CYP27A1: variants seen among roughly 807,000 people sequenced by gnomAD.
CYP27A1 encodes the protein cytochrome P450 family 27 subfamily A member 1, also known as sterol 26-hydroxylase, mitochondrial.
Under a neutral mutation model 58.2 loss-of-function variants are expected in CYP27A1, and 46 were observed. That is an observed-to-expected ratio of 0.79 (90% confidence interval 0.62 to 1.01). The LOEUF is 1.01. CYP27A1 is among the 50% of genes least tolerant of loss of function. CYP27A1 has a pLI of 0.00. For missense variants in CYP27A1, 704 were observed against 687.0 expected (o/e 1.02, Z -0.28); for synonymous variants, 274 against 285.1 (o/e 0.96, Z 0.39).
In CYP27A1 at chr2:218,812,638, G is replaced by T; in HGVS notation, c.733G>T (p.Gly245Trp). 1 of 1,614,162 alleles carries T rather than the reference G, an allele frequency of 6.2e-7. No individual in the cohort carries two copies. Residue 245 changes from glycine to tryptophan, a missense_variant, in exon 4 of 9, where the codon GGG (glycine) becomes TGG (tryptophan). By Grantham distance (184) the Gly-to-Trp change is radical. Coordinates refer to ENST00000258415, the MANE Select transcript of CYP27A1 (RefSeq NM_000784.4). ...CACCGTGACCTTCGTCAGATCCATC[G>T]GGTTAATGTTCCAGAACTCACTCTA... ...EDTVTFVRSIGLMFQNSLYAT... is the reference protein window; with the variant it reads ...EDTVTFVRSIWLMFQNSLYAT...
Position 218,809,690 on chromosome 2 carries a change from G to C in CYP27A1, c.369G>C (p.Lys123Asn). Residue 123 changes from lysine (K) to asparagine (N), a missense_variant, in exon 2 of 9, where the codon AAG becomes AAC. Lys to Asn is a moderately conservative substitution (Grantham distance 94). Transcript: ENST00000258415. ...LLEQVMRQEGKYPVRNDMELW... is the reference protein window; with the variant it reads ...LLEQVMRQEGNYPVRNDMELW... Reference sequence around the variant, plus strand: ...AGCAAGTGATGCGGCAAGAGGGCAAGTACCCAGTACGGAACGACATGGAGC... The same window carrying C: ...AGCAAGTGATGCGGCAAGAGGGCAACTACCCAGTACGGAACGACATGGAGC... 6.2e-7 allele frequency: 1 copy of C among 1,614,208 alleles called. No homozygotes were observed. The highest frequency in any genetic ancestry group is 2.2e-5 in the East Asian group (1 of 44,880).
chr2:218,803,158 T>G (rs1176647347), intron 1 of CYP27A1, among the ~76,000 whole-genome samples: 1 of 152,178 alleles, frequency 6.6e-6, no homozygotes, highest in Admixed American at 6.5e-5. Context: ...TTGGCCAGGC[T>G]GGTCTTGAAT....
intron 1 of CYP27A1, among the ~76,000 whole-genome samples, chr2:218,798,660 A>G (rs1314882824): frequency 2.0e-5 from 3 of 152,166 alleles, no homozygotes; most frequent in Non-Finnish European, 4.4e-5. Context: ...AGGCGGATGG[A>G]TCACTTGAGT....
chr2:218,813,661 C>T (rs1943748483), intron 5 of CYP27A1, among the ~76,000 whole-genome samples: 1 of 152,084 alleles, frequency 6.6e-6, no homozygotes, highest in African/African-American at 2.4e-5. Flanking sequence ...GAACTCCTGA[C>T]CTCAAATGAT....
chr2:218,811,860 G>A (rs1248274925), intron 2 of CYP27A1, among the ~76,000 whole-genome samples: 3 of 152,112 alleles, frequency 2.0e-5, no homozygotes, highest in Non-Finnish European at 2.9e-5. Flanking sequence ...TGATGTGAAC[G>A]AGCCTACTCA....
At position 218,782,383 on chromosome 2, in the gene CYP27A1, C is replaced by T; in HGVS notation, c.201C>T (p.Arg67=). Residue 67 remains arginine, a synonymous_variant, in exon 1 of 9, where the codon CGC becomes CGT. Coordinates refer to ENST00000258415, the MANE Select transcript of CYP27A1 (RefSeq NM_000784.4). The surrounding 1 kb of genome is among the most constrained non-coding windows in gnomAD (Gnocchi z 4.1). The part of the protein sequence containing the change: ...LEEIPRLGQL[R]FFFQLFVQGY... ...AGATTCCACGTCTAGGACAGCTGCG[C>T]TTCTTCTTTCAGCTGTTCGTTCAAG... 6.2e-7 allele frequency: 1 copy of T among 1,614,128 alleles called. No individual in the cohort carries two copies. Among genetic ancestry groups the T allele is most frequent in the Non-Finnish European group, 8.5e-7 (1 of 1,179,926 alleles).
intron 1 of CYP27A1, among the ~76,000 whole-genome samples, chr2:218,804,064 A>T (rs983580896): frequency 8.8e-6 from 1 of 113,628 alleles, no homozygotes; most frequent in African/African-American, 3.5e-5. Flanking sequence ...AGAACTATTT[A>T]TCTATTTAAA....
At chr2:218,789,144 C>A (rs1943467194) in intron 1 of CYP27A1, among the ~76,000 whole-genome samples, 1 of 152,214 alleles carries the variant, frequency 6.6e-6, no homozygotes, top group Non-Finnish European at 1.5e-5. Context: ...ATATTCAAGG[C>A]AGCCTTATTT....
At chr2:218,796,494 T>C (rs751057070) in intron 1 of CYP27A1, among the ~76,000 whole-genome samples, 1 of 152,042 alleles carries the variant, frequency 6.6e-6, no homozygotes, top group Non-Finnish European at 1.5e-5. Flanking sequence ...CTTGGGAAGC[T>C]GAGGCAGGAG....
rs557306147 is a variant in CYP27A1 at position 218,790,499 on chromosome 2, C to A, written c.255+8062C>A. 8.5e-5 allele frequency among the ~76,000 whole-genome samples: 13 copies of A among 152,266 alleles called. No homozygotes were observed. The South Asian group carries it at 2.7e-3, about 32-fold the overall frequency. Reference sequence around the variant, plus strand: ...ACTAAGCAGTCTCTTTGTTAATCCCCTACAACTGAATCTCTAAAATACCAG... The same window carrying A: ...ACTAAGCAGTCTCTTTGTTAATCCCATACAACTGAATCTCTAAAATACCAG... On this transcript the variant is annotated intron_variant, in intron 1 of 8. Transcript: ENST00000258415.
intron 1 of CYP27A1, among the ~76,000 whole-genome samples, chr2:218,797,671 G>A (rs193196797): frequency 6.5e-4 from 99 of 152,300 alleles, no homozygotes; most frequent in African/African-American, 2.2e-3. Flanking sequence ...AACACCTGAT[G>A]TTATGAAATA....
In CYP27A1 at chr2:218,812,317, T is replaced by G; in HGVS notation, c.542T>G (p.Val181Gly). The G allele has an allele frequency of 6.2e-7, 1 of 1,614,098 alleles. No homozygotes were observed. The highest frequency in any genetic ancestry group is 8.5e-7 in the Non-Finnish European group (1 of 1,180,006). ...CTCTATACGGATGCTTTCAATGAGG[T>G]GATTGATGACTTTATGACTCGACTG... ...AALYTDAFNE[V>G]IDDFMTRLDQ... Residue 181 changes from valine (V) to glycine (G), a missense_variant, in exon 3 of 9, where the codon GTG (valine) becomes GGG (glycine). Coordinates refer to ENST00000258415, the MANE Select transcript of CYP27A1 (RefSeq NM_000784.4).
At chr2:218,810,369 T>G (rs981208196) in intron 2 of CYP27A1, among the ~76,000 whole-genome samples, 1 of 152,200 alleles carries the variant, frequency 6.6e-6, no homozygotes, top group African/African-American at 2.4e-5. Context: ...AGGCCACCTA[T>G]GACATGACAG....
Position 218,782,236 on chromosome 2 carries a change from T to C in CYP27A1, c.54T>C (p.Arg18=), listed in dbSNP as rs1301969299. 2 of 1,545,914 alleles carry C rather than the reference T, an allele frequency of 1.3e-6. No homozygotes were observed. The highest frequency in any genetic ancestry group is 1.7e-6 in the Non-Finnish European group (2 of 1,147,500). Residue 18 remains arginine (R), a synonymous_variant, in exon 1 of 9, where the codon CGT becomes CGC. Transcript: ENST00000258415. This position sits in a 1 kb window ranked among gnomAD's most constrained non-coding sequence, Gnocchi z 4.1. The part of the protein sequence containing the change: ...RLRWALRGAG[R]GLCPHGARAK... ...GGTGGGCGCTGCGAGGGGCCGGCCG[T>C]GGCCTCTGCCCCCACGGGGCCAGAG... is the stretch of plus-strand genomic sequence containing the variant.
chr2:218,794,159 G>C (rs1005195262), intron 1 of CYP27A1, among the ~76,000 whole-genome samples: 11 of 152,162 alleles, frequency 7.2e-5, no homozygotes, highest in Non-Finnish European at 1.3e-4. Flanking sequence ...CTCTGCAAAC[G>C]GGTAAACCTC....
intron 1 of CYP27A1, among the ~76,000 whole-genome samples, chr2:218,799,560 G>C (rs1943579400): frequency 6.6e-6 from 1 of 152,082 alleles, no homozygotes; most frequent in Non-Finnish European, 1.5e-5. Flanking sequence ...ACTGTTAAGG[G>C]GGCAGCCGGC....
intron 1 of CYP27A1, among the ~76,000 whole-genome samples, chr2:218,803,298 G>T (rs1943616749): frequency 2.6e-5 from 4 of 152,098 alleles, no homozygotes; most frequent in African/African-American, 7.2e-5. Context: ...TCTTTTTGTT[G>T]TTGGGTTGTA....
rs1477172825 is a variant in CYP27A1 at position 218,812,725 on chromosome 2, G to A, written c.820G>A (p.Gly274Ser). ...VLPFWKRYLD[G>S]WNAIFSFGKK... is the part of the protein sequence containing the mutation. ...GCCTTTCTGGAAGCGATACCTGGAT[G>A]GTTGGAATGCCATCTTTTCCTTTGG... is the stretch of plus-strand genomic sequence containing the variant. The change falls in exon 4 of 9, where the codon GGT becomes AGT. Residue 274 changes from glycine (G) to serine (S), a missense_variant. By Grantham distance (56) the Gly-to-Ser change is moderately conservative. Transcript: ENST00000258415. 1 of 1,614,218 alleles carries A rather than the reference G, an allele frequency of 6.2e-7. No individual in the cohort carries two copies. The highest frequency in any genetic ancestry group is 2.2e-5 in the East Asian group (1 of 44,888).
intron 1 of CYP27A1, among the ~76,000 whole-genome samples, chr2:218,797,797 A>G (rs1367192061): frequency 6.6e-6 from 1 of 152,234 alleles, no homozygotes; most frequent in Non-Finnish European, 1.5e-5. Flanking sequence ...TTAGTGCCTT[A>G]AGAGTATCCT....
Sources: gnomAD v4.1 joint callset for allele counts (sites outside exome capture counted in the v4.1 genomes callset) on GRCh38, gnomAD v4.1.1 for gene constraint, Gnocchi (gnomAD v3.1) non-coding constraint, MANE v1.5 for transcripts, NCBI Gene and HGNC (gene_info 2026-07-23, HGNC 2026-07-21) for gene names.